The following SGCZ variants were observed in gnomAD, a reference collection of about 807,000 sequenced individuals.
SGCZ encodes the protein zeta-sarcoglycan.
In SGCZ, 40 loss-of-function variants were observed where a neutral mutation model predicts 41.3. The observed-to-expected ratio is 0.97, with a 90% CI of 0.75 to 1.26. SGCZ has a LOEUF of 1.26. Among genes scored for constraint, SGCZ ranks in the 50% most tolerant of loss-of-function variants. The pLI is 0.00. For synonymous variants in SGCZ, 206 were observed against 137.5 expected, an observed-to-expected ratio of 1.50 and a Z score of -3.49; for missense variants, 552 against 369.8, an observed-to-expected ratio of 1.49 and a Z score of -4.04.
chr8:14,854,365 A>T (rs1283828402), intron 1 of SGCZ, among the ~76,000 whole-genome samples: 1 of 151,960 alleles, frequency 6.6e-6, no homozygotes, highest in African/African-American at 2.4e-5. Flanking sequence ...ACATATCAAA[A>T]ATATATAATT....
intron 1 of SGCZ, among the ~76,000 whole-genome samples, chr8:14,596,213 T>C (rs1230373470): frequency 6.6e-6 from 1 of 152,188 alleles, no homozygotes; most frequent in African/African-American, 2.4e-5. Context: ...CCTTTATGAC[T>C]GTCTTCAGGC....
chr8:14,466,465 T>C (rs1445837194), intron 2 of SGCZ, among the ~76,000 whole-genome samples: 1 of 151,966 alleles, frequency 6.6e-6, no homozygotes, highest in East Asian at 1.9e-4. Flanking sequence ...TTTTAGTTTA[T>C]TATACTTGGA....
chr8:14,983,202 T>C (rs1414625333), intron 1 of SGCZ, among the ~76,000 whole-genome samples: 2 of 151,450 alleles, frequency 1.3e-5, no homozygotes, highest in Non-Finnish European at 2.9e-5. Flanking sequence ...CTTTTTTTTT[T>C]TGAGACAGGT....
At chr8:14,136,597 G>A (rs1390391468) in intron 5 of SGCZ, among the ~76,000 whole-genome samples, 1 of 152,186 alleles carries the variant, frequency 6.6e-6, no homozygotes, top group Admixed American at 6.5e-5. Flanking sequence ...GAGGCTGGGG[G>A]AGGGGCTTCC....
intron 4 of SGCZ, among the ~76,000 whole-genome samples, chr8:14,188,891 G>A (rs952623440): frequency 2.7e-5 from 4 of 147,598 alleles, no homozygotes; most frequent in Non-Finnish European, 4.4e-5. Flanking sequence ...GAGTGCAATG[G>A]CACATTCTCG....
At chr8:14,315,040 G>C (rs1285764761) in intron 3 of SGCZ, among the ~76,000 whole-genome samples, 2 of 152,158 alleles carry the variant, frequency 1.3e-5, no homozygotes, top group Non-Finnish European at 2.9e-5. Flanking sequence ...TTAATTAAAA[G>C]AGTCTGTTTA....
intron 1 of SGCZ, among the ~76,000 whole-genome samples, chr8:15,043,139 G>T (rs1181847642): frequency 6.6e-6 from 1 of 152,038 alleles, no homozygotes; most frequent in African/African-American, 2.4e-5. Flanking sequence ...AGTCCTAAGG[G>T]GTATCTCTAT....
intron 2 of SGCZ, among the ~76,000 whole-genome samples, chr8:14,343,411 G>C (rs1447541496): frequency 1.3e-5 from 2 of 152,190 alleles, no homozygotes; most frequent in African/African-American, 2.4e-5. Flanking sequence ...TTCCAGGTCT[G>C]TCAAGGCAGT....
chr8:14,625,758 C>T (rs1033157794), intron 1 of SGCZ, among the ~76,000 whole-genome samples: 1 of 152,048 alleles, frequency 6.6e-6, no homozygotes, highest in Admixed American at 6.6e-5. Flanking sequence ...GAATTCTCCC[C>T]CAAGTTTGAA....
chr8:15,047,883 G>C (rs574394774), intron 1 of SGCZ, among the ~76,000 whole-genome samples: 1 of 152,122 alleles, frequency 6.6e-6, no homozygotes, highest in African/African-American at 2.4e-5. Flanking sequence ...TACACTGTTG[G>C]TGAAAATGTA....
At chr8:14,354,341 C>T (rs1352653989) in intron 2 of SGCZ, among the ~76,000 whole-genome samples, 2 of 151,744 alleles carry the variant, frequency 1.3e-5, no homozygotes, top group Non-Finnish European at 2.9e-5. Context: ...ATGTAATAAA[C>T]TGTATAAAAC....
chr8:14,459,950 T>C (rs191264872), intron 2 of SGCZ, among the ~76,000 whole-genome samples: 240 of 152,230 alleles, frequency 1.6e-3, no homozygotes, highest in Non-Finnish European at 2.7e-3. Flanking sequence ...TGCCATAAAT[T>C]GCAGAAGACT....
At chr8:15,110,146 G>C (rs553582875) in intron 1 of SGCZ, among the ~76,000 whole-genome samples, 10 of 152,252 alleles carry the variant, frequency 6.6e-5, no homozygotes, top group African/African-American at 2.2e-4. Context: ...AATATTAAAT[G>C]GGGTTAAATT....
intron 1 of SGCZ, among the ~76,000 whole-genome samples, chr8:14,860,740 AAGTAAGT>A (rs1563321421): frequency 3.0e-4 from 43 of 143,162 alleles, no homozygotes; most frequent in African/African-American, 9.4e-4. Flanking sequence ...GAAAGAAAGT[AAGTAAGT>A]AAGTGAGGGA....
intron 1 of SGCZ, among the ~76,000 whole-genome samples, chr8:14,859,444 G>C (rs1176030019): frequency 6.6e-6 from 1 of 152,046 alleles, no homozygotes; most frequent in African/African-American, 2.4e-5. Context: ...ATAAAAACTA[G>C]TTTAACCCTA....
intron 2 of SGCZ, among the ~76,000 whole-genome samples, chr8:14,537,923 C>G (rs574794947): frequency 1.3e-5 from 2 of 151,988 alleles, no homozygotes; most frequent in African/African-American, 4.8e-5. Context: ...TCTCCAGGTA[C>G]AACTCTTTCG....
At chr8:15,052,670 A>G (rs1339625647) in intron 1 of SGCZ, among the ~76,000 whole-genome samples, 2 of 151,764 alleles carry the variant, frequency 1.3e-5, no homozygotes, top group African/African-American at 2.4e-5. Context: ...TCCTTGGAAG[A>G]AAAAAAAATT....
At chr8:14,484,566 C>G (rs1377973375) in intron 2 of SGCZ, among the ~76,000 whole-genome samples, 3 of 151,956 alleles carry the variant, frequency 2.0e-5, no homozygotes, top group African/African-American at 7.3e-5. Flanking sequence ...ATGGGAGCAT[C>G]CTGGTATGGA....
At chr8:14,618,607 T>C (rs1806183326) in intron 1 of SGCZ, among the ~76,000 whole-genome samples, 1 of 152,198 alleles carries the variant, frequency 6.6e-6, no homozygotes, top group Admixed American at 6.6e-5. Context: ...AAAGACTTTA[T>C]CTTTTATTCA....
Sources: gnomAD v4.1 joint callset for allele counts (sites outside exome capture counted in the v4.1 genomes callset) on GRCh38, gnomAD v4.1.1 for gene constraint, MANE v1.5 for transcripts, NCBI Gene and HGNC (gene_info 2026-07-23, HGNC 2026-07-21) for gene names.